Variants in DPH6 observed in about 807,000 individuals in gnomAD.
DPH6 encodes the protein diphthine--ammonia ligase.
In DPH6, 33 loss-of-function variants were observed where a neutral mutation model predicts 38.2. The observed-to-expected ratio is 0.86, with a 90% CI of 0.65 to 1.15. The LOEUF is 1.15. Ranked by LOEUF, DPH6 falls within the 50% of genes most tolerant of loss-of-function variation. The pLI, the probability that DPH6 is intolerant of heterozygous loss-of-function variation, is 0.00. For missense variants in DPH6, 325 were observed against 320.0 expected (o/e 1.02, Z -0.12); for synonymous variants, 108 against 103.0 (o/e 1.05, Z -0.30).
At chr15:35,442,183 G>A (rs1424972055) in intron 5 of DPH6, among the ~76,000 whole-genome samples, 1 of 151,844 alleles carries the variant, frequency 6.6e-6, no homozygotes, top group East Asian at 1.9e-4. Context: ...AACCTACAAT[G>A]CACTAAAGAC....
intron 6 of DPH6, among the ~76,000 whole-genome samples, chr15:35,396,671 T>G (rs987555395): frequency 1.3e-5 from 2 of 152,184 alleles, no homozygotes; most frequent in African/African-American, 2.4e-5. Context: ...TTTTAATATA[T>G]CTTATAATTT....
intron 3 of DPH6, among the ~76,000 whole-genome samples, chr15:35,248,346 G>A (rs1442305778): frequency 2.0e-5 from 3 of 152,198 alleles, no homozygotes; most frequent in African/African-American, 2.4e-5. Context: ...AGAACTGGCC[G>A]TAAAGCAATT....
chr15:35,450,751 C>A lies in DPH6; in HGVS notation c.439G>T (p.Glu147Ter). ...GATATCATCTCTCTGAGCAAATCTTCCTGGTTTCTCTGCCAAAGATAAGCT... is the reference window on the plus strand; with the variant it reads ...GATATCATCTCTCTGAGCAAATCTTACTGGTTTCTCTGCCAAAGATAAGCT... The part of the protein sequence containing the change: ...PLAYLWQRNQ[E>*]DLLREMISSN... The change falls in exon 5 of 9, where the codon GAA becomes TAA. Residue 147 changes from glutamate to a stop codon, truncating the protein, a stop_gained. Coordinates refer to ENST00000256538, the MANE Select transcript of DPH6 (RefSeq NM_080650.4). LOFTEE classifies it high-confidence loss of function. 1 of 1,613,094 alleles carries A rather than the reference C, an allele frequency of 6.2e-7. No homozygotes were observed. Among genetic ancestry groups the A allele is most frequent in the Non-Finnish European group, 8.5e-7 (1 of 1,179,610 alleles).
chr15:35,359,043 G>A (rs1243202095), intron 3 of DPH6, among the ~76,000 whole-genome samples: 1 of 152,058 alleles, frequency 6.6e-6, no homozygotes, highest in African/African-American at 2.4e-5. Flanking sequence ...GACTCTCCGT[G>A]GGCGTGTCTT....
intron 6 of DPH6, among the ~76,000 whole-genome samples, chr15:35,386,211 T>C (rs993307880): frequency 6.6e-6 from 1 of 152,216 alleles, no homozygotes; most frequent in Non-Finnish European, 1.5e-5. Context: ...TATTCCATGG[T>C]GTATATGTGC....
intron 3 of DPH6, among the ~76,000 whole-genome samples, chr15:35,262,525 T>C (rs2051754235): frequency 1.3e-5 from 2 of 151,912 alleles, no homozygotes; most frequent in Admixed American, 1.3e-4. Flanking sequence ...GCTAACACGG[T>C]GAAACCCCGT....
At chr15:35,347,214 A>G (rs990964539) in intron 3 of DPH6, among the ~76,000 whole-genome samples, 2 of 152,162 alleles carry the variant, frequency 1.3e-5, no homozygotes, top group African/African-American at 4.8e-5. Flanking sequence ...TACTATAGCT[A>G]CCACATATAC....
chr15:35,262,296 T>TA (rs772103349), intron 3 of DPH6, among the ~76,000 whole-genome samples: 3 of 152,212 alleles, frequency 2.0e-5, no homozygotes, highest in Non-Finnish European at 2.9e-5. Flanking sequence ...AAAAATAAGA[T>TA]AAACACACTT....
the DPH6 span, among the ~76,000 whole-genome samples, chr15:35,173,236 G>A: frequency 3.3e-5 from 5 of 152,140 alleles, no homozygotes; most frequent in African/African-American, 9.7e-5. Context: ...TTCACCTTGG[G>A]AAATGTCAAC....
rs181950560 is a variant in DPH6 at position 35,300,495 on chromosome 15, G to A, written n.200+73026C>T. 1.7e-4 allele frequency among the ~76,000 whole-genome samples: 26 copies of A among 152,268 alleles called. No homozygotes were observed. In the East Asian group the frequency reaches 3.9e-3, roughly 23 times the overall value. ...GCAGGTAGATTCTGAATCGTTCCGG[G>A]ACTAAAGTGGCAGCATTTGTTTACG... is the stretch of plus-strand genomic sequence containing the variant. On this transcript the variant is annotated intron_variant and non_coding_transcript_variant, in intron 3 of 3. Transcript: ENST00000560386.
chr15:35,374,590 T>A (rs2052755817), intron 7 of DPH6, among the ~76,000 whole-genome samples: 1 of 152,112 alleles, frequency 6.6e-6, no homozygotes, highest in Non-Finnish European at 1.5e-5. Context: ...AAAAGTACGT[T>A]TGATGATTAA....
At chr15:35,177,693 A>G in the DPH6 span, among the ~76,000 whole-genome samples, 56 of 151,554 alleles carry the variant, frequency 3.7e-4, no homozygotes, top group Non-Finnish European at 7.2e-4. Flanking sequence ...TAATCCCAGC[A>G]CTTTGGGAGG....
At chr15:35,358,644 G>A (rs955075697) in intron 3 of DPH6, among the ~76,000 whole-genome samples, 1 of 152,258 alleles carries the variant, frequency 6.6e-6, no homozygotes, top group Middle Eastern at 3.4e-3. Flanking sequence ...TGCAGTGATT[G>A]TTGTCTCTCT....
chr15:35,341,643 G>T (rs754619638), intron 3 of DPH6, among the ~76,000 whole-genome samples: 1 of 152,160 alleles, frequency 6.6e-6, no homozygotes, highest in South Asian at 2.1e-4. Context: ...TTTGCTGGGG[G>T]TCCACTCCAG....
downstream of DPH6, among the ~76,000 whole-genome samples, chr15:35,215,468 A>T (rs1284445601): frequency 6.6e-6 from 1 of 152,148 alleles, no homozygotes; most frequent in Non-Finnish European, 1.5e-5. Flanking sequence ...TGCTCACTGC[A>T]GCATCAAACT....
intron 3 of DPH6, among the ~76,000 whole-genome samples, chr15:35,276,285 G>T (rs2051858652): frequency 6.6e-6 from 1 of 151,976 alleles, no homozygotes; most frequent in South Asian, 2.1e-4. Context: ...GGGATTGTTT[G>T]TTTTTTCTTA....
chr15:35,304,618 T>C (rs962504601), intron 3 of DPH6, among the ~76,000 whole-genome samples: 5 of 152,076 alleles, frequency 3.3e-5, no homozygotes, highest in Admixed American at 1.3e-4. Context: ...TCGGGAAGGA[T>C]TACCACAGTT....
At chr15:35,506,179 AAAACT>A (rs2054691496) in intron 3 of DPH6, among the ~76,000 whole-genome samples, 1 of 152,182 alleles carries the variant, frequency 6.6e-6, no homozygotes. Context: ...AAAATGAATT[AAAACT>A]AATTAATTAA....
chr15:35,412,138 G>A (rs2053374513), intron 5 of DPH6, among the ~76,000 whole-genome samples: 1 of 151,480 alleles, frequency 6.6e-6, no homozygotes, highest in Non-Finnish European at 1.5e-5. Flanking sequence ...TATATACAAA[G>A]AACTCTTAAA....
Sources: gnomAD v4.1 joint callset for allele counts (sites outside exome capture counted in the v4.1 genomes callset) on GRCh38, gnomAD v4.1.1 for gene constraint, MANE v1.5 for transcripts, NCBI Gene and HGNC (gene_info 2026-07-23, HGNC 2026-07-21) for gene names.